Variants in MYO9B observed in about 807,000 individuals in gnomAD.
The protein encoded by MYO9B is unconventional myosin-IXb.
A neutral mutation model predicts 229.5 loss-of-function variants in MYO9B; 71 were observed. That is an observed-to-expected ratio of 0.31 (90% confidence interval 0.26 to 0.38). The LOEUF (loss-of-function observed/expected upper bound fraction) is 0.38, where lower values mean the gene tolerates loss of function less well. MYO9B is among the 10% of genes least tolerant of loss of function. The probability of loss-of-function intolerance (pLI) is 1.00; values close to 1 mark genes in which losing one functional copy is unlikely to be tolerated. For missense variants in MYO9B, 2,255 were observed against 2,920.5 expected (o/e 0.77, Z 5.25); for synonymous variants, 1,185 against 1,235.8 (o/e 0.96, Z 0.86).
chr19:17,104,937 G>T (rs2057779040), intron 2 of MYO9B, among the ~76,000 whole-genome samples: 1 of 152,050 alleles, frequency 6.6e-6, no homozygotes, highest in Non-Finnish European at 1.5e-5. Flanking sequence ...TTTCCATTAG[G>T]GTTCTTGGTG....
chr19:17,084,768 G>A (rs924637385), intron 1 of MYO9B, among the ~76,000 whole-genome samples: 1 of 151,884 alleles, frequency 6.6e-6, no homozygotes, highest in Admixed American at 6.6e-5. Context: ...AGCCAGGTAT[G>A]GTGTGGTGCA....
chr19:17,198,812 TC>T (rs914735544), intron 24 of MYO9B, among the ~76,000 whole-genome samples: 20 of 151,802 alleles, frequency 1.3e-4, no homozygotes, highest in African/African-American at 4.8e-4. Context: ...CTCCAGGTGT[TC>T]CTTGGCTTGT....
intron 1 of MYO9B, among the ~76,000 whole-genome samples, chr19:17,081,622 A>C (rs892501500): frequency 3.9e-5 from 6 of 151,984 alleles, no homozygotes; most frequent in Non-Finnish European, 8.8e-5. Context: ...CAGCCTGGCC[A>C]ACATGATGAA....
intron 2 of MYO9B, among the ~76,000 whole-genome samples, chr19:17,115,509 C>T (rs2057893805): frequency 6.7e-6 from 1 of 148,150 alleles, no homozygotes; most frequent in African/African-American, 2.5e-5. Flanking sequence ...TGCTTGGTCG[C>T]CCAGGCTGGA....
intron 14 of MYO9B, 58 bp downstream of exon 14, chr19:17,175,799 C>G: frequency 1.1e-6 from 1 of 911,696 alleles, no homozygotes; most frequent in African/African-American, 1.7e-5. Flanking sequence ...AGCATTGTTT[C>G]AAACAACTTA....
At chr19:17,117,603 G>A in intron 2 of MYO9B, among the ~76,000 whole-genome samples, 1 of 152,142 alleles carries the variant, frequency 6.6e-6, no homozygotes, top group Non-Finnish European at 1.5e-5. Context: ...CCTCTTTAAG[G>A]GAGAGTGAAT....
chr19:17,210,991 T>C, intron 38 of MYO9B, 143 bp downstream of exon 38: 1 of 979,840 alleles, frequency 1.0e-6, no homozygotes, highest in Non-Finnish European at 1.5e-6. Context: ...TTTTTTTTTT[T>C]TTTTTTTTTT....
At chr19:17,178,193 G>A (rs974102423) in intron 14 of MYO9B, among the ~76,000 whole-genome samples, 1 of 152,230 alleles carries the variant, frequency 6.6e-6, no homozygotes, top group African/African-American at 2.4e-5. Flanking sequence ...TGCCTCCCTG[G>A]AGGGCTGGGG....
Position 17,154,364 on chromosome 19 carries a change from G to A in MYO9B, c.1148G>A (p.Arg383Lys), listed in dbSNP as rs764636763. ...DGEDLKHDFE[R>K]LKQAMEMVGF... ...GAGGACCTGAAGCATGACTTTGAGAGGCTCAAGCAGGCCATGGAGATGGTG... is the reference window on the plus strand; with the variant it reads ...GAGGACCTGAAGCATGACTTTGAGAAGCTCAAGCAGGCCATGGAGATGGTG... The change falls in exon 6 of 40, where the codon AGG becomes AAG. Residue 383 changes from arginine to lysine, a missense_variant. Physicochemically the swap from Arg to Lys is conservative, Grantham distance 26. Coordinates refer to ENST00000682292, the MANE Select transcript of MYO9B (RefSeq NM_004145.4). The A allele has an allele frequency of 7.4e-6, 12 of 1,613,272 alleles. No individual in the cohort carries two copies. The highest frequency in any genetic ancestry group is 2.7e-5 in the African/African-American group (2 of 74,918).
chr19:17,154,017 G>A lies in MYO9B; in HGVS notation c.1049G>A (p.Arg350His), dbSNP rs997783083. Residue 350 changes from arginine to histidine, a missense_variant, in exon 5 of 40, where the codon CGC becomes CAC. Transcript: ENST00000682292. Reference sequence around the variant, plus strand: ...TTACTTGGGGTCAGCGAGGAAGAGCGCCAAGAATTTCAGCTCAAGCAGCCT... The same window carrying A: ...TTACTTGGGGTCAGCGAGGAAGAGCACCAAGAATTTCAGCTCAAGCAGCCT... Reference protein sequence around the residue: ...YLLLGVSEEERQEFQLKQPED... With the variant: ...YLLLGVSEEEHQEFQLKQPED... 15 of 1,613,526 alleles carry A rather than the reference G, an allele frequency of 9.3e-6. No individual in the cohort carries two copies. Among genetic ancestry groups the A allele is most frequent in the African/African-American group, 6.7e-5 (5 of 74,876 alleles).
At chr19:17,099,659 CA>C (rs377556654) in intron 1 of MYO9B, among the ~76,000 whole-genome samples, 80 of 150,430 alleles carry the variant, frequency 5.3e-4, no homozygotes, top group African/African-American at 1.7e-3. Context: ...ACTAAAAATA[CA>C]AAAAAAAATT....
intron 2 of MYO9B, among the ~76,000 whole-genome samples, chr19:17,144,026 A>G (rs2072376297): frequency 6.6e-6 from 1 of 152,152 alleles, no homozygotes; most frequent in African/African-American, 2.4e-5. Context: ...AAGTTTACCT[A>G]CTTAACAAAC....
At position 17,211,979 on chromosome 19, in the gene MYO9B, C is replaced by G; in HGVS notation, c.6143C>G (p.Pro2048Arg). ...GTGGCCGCCCCTCCACGACGAAGGC[C>G]GTCGTCCTTCGTAACGGTCAGAGTG... ...PTVAAPPRRRPSSFVTVRVKT... is the reference protein window; with the variant it reads ...PTVAAPPRRRRSSFVTVRVKT... Residue 2048 changes from proline to arginine, a missense_variant, in exon 40 of 40, where the codon CCG becomes CGG. Pro to Arg is a moderately radical substitution (Grantham distance 103, BLOSUM62 -2). Around this residue, in one of 7 missense-constraint regions of MYO9B, gnomAD observed 331 missense variants for 332.5 expected, o/e 1.00. Transcript: ENST00000682292. 6.3e-7 allele frequency: 1 copy of G among 1,595,646 alleles called. No individual in the cohort carries two copies. The highest frequency in any genetic ancestry group is 1.7e-4 in the Middle Eastern group (1 of 5,718).
At chr19:17,180,150 T>C (rs568563431) in intron 14 of MYO9B, among the ~76,000 whole-genome samples, 4 of 149,884 alleles carry the variant, frequency 2.7e-5, no homozygotes, top group South Asian at 4.3e-4. Flanking sequence ...GGAGAATTGC[T>C]TGAACCCAGG....
intron 22 of MYO9B, among the ~76,000 whole-genome samples, chr19:17,196,745 T>C (rs2073047494): frequency 6.7e-6 from 1 of 149,386 alleles, no homozygotes; most frequent in South Asian, 2.1e-4. Context: ...GATAGATGGA[T>C]GGAAGGAAGA....
chr19:17,175,844 T>TC (rs1555701037), intron 14 of MYO9B, 103 bp downstream of exon 14: 1 of 863,418 alleles, frequency 1.2e-6, no homozygotes, highest in Non-Finnish European at 1.7e-6. Flanking sequence ...TTTTTTTTTT[T>TC]CTTTTGAGAT....
chr19:17,141,376 C>T (rs967236136), intron 2 of MYO9B, among the ~76,000 whole-genome samples: 4 of 152,294 alleles, frequency 2.6e-5, no homozygotes, highest in East Asian at 1.9e-4. Flanking sequence ...TCACTGCTGC[C>T]AAACTTTCCA....
At chr19:17,185,319 A>G (rs2072905978) in intron 17 of MYO9B, among the ~76,000 whole-genome samples, 2 of 150,270 alleles carry the variant, frequency 1.3e-5, no homozygotes, top group Admixed American at 1.3e-4. Context: ...GCTTGCAGTG[A>G]GCCGAGATGG....
chr19:17,212,116 G>A lies in MYO9B; in HGVS notation c.6280G>A (p.Val2094Met). Residue 2094 changes from valine (V) to methionine (M), a missense_variant, in exon 40 of 40, where the codon GTG becomes ATG. Val to Met is a conservative substitution (Grantham distance 21, BLOSUM62 1). Coordinates refer to ENST00000682292, the MANE Select transcript of MYO9B (RefSeq NM_004145.4). The surrounding 1 kb of genome is among the most constrained non-coding windows in gnomAD (Gnocchi z 5.4). ...GGGTGCCCGGGAGGCGGCTGCCCCA[G>A]TGCGGCGCCGGGAGCCACCTGCCCG... ...APGAREAAAP[V>M]RRREPPARRP... 6.3e-7 allele frequency: 1 copy of A among 1,590,486 alleles called. No individual in the cohort carries two copies. The highest frequency in any genetic ancestry group is 8.5e-7 in the Non-Finnish European group (1 of 1,169,918).
Sources: gnomAD v4.1 joint callset for allele counts (sites outside exome capture counted in the v4.1 genomes callset) on GRCh38, gnomAD v4.1.1 for gene constraint, gnomAD v4.1.1 regional missense constraint, Gnocchi (gnomAD v3.1) non-coding constraint, MANE v1.5 for transcripts, NCBI Gene and HGNC (gene_info 2026-07-23, HGNC 2026-07-21) for gene names.